Variants in ANKMY1 observed in about 807,000 individuals in gnomAD.
ANKMY1 encodes ankyrin repeat and MYND domain containing 1.
A neutral mutation model predicts 102.0 loss-of-function variants in ANKMY1; 98 were observed. The observed-to-expected ratio is 0.96, with a 90% confidence interval of 0.82 to 1.14. The LOEUF is 1.14. Ranked by LOEUF, ANKMY1 falls within the 50% of genes most tolerant of loss-of-function variation. The probability of loss-of-function intolerance (pLI) is 0.00; values close to 1 mark genes in which losing one functional copy is unlikely to be tolerated. For synonymous variants in ANKMY1, 582 were observed against 559.9 expected (o/e 1.04, Z -0.56); for missense variants, 1,330 against 1,347.6 (o/e 0.99, Z 0.20).
At chr2:240,558,057 C>A, upstream of ANKMY1, 3 of 892,912 alleles carry the variant, frequency 3.4e-6, no homozygotes, top group Non-Finnish European at 4.0e-6. Flanking sequence ...CTCCGCCAAT[C>A]CCCCCGCCAG....
chr2:240,530,536 T>C (rs142356783), intron 4 of ANKMY1, among the ~76,000 whole-genome samples: 4 of 152,350 alleles, frequency 2.6e-5, no homozygotes, highest in Non-Finnish European at 5.9e-5. Flanking sequence ...GGAAGCTTCT[T>C]GAGGCTGTCC....
chr2:240,490,448 GT>G (rs2076515364), intron 15 of ANKMY1, among the ~76,000 whole-genome samples: 1 of 151,970 alleles, frequency 6.6e-6, no homozygotes, highest in Admixed American at 6.6e-5. Flanking sequence ...TATCCCACAG[GT>G]TTTGGTATAT....
At chr2:240,532,555 G>C (rs1306661321) in intron 4 of ANKMY1, among the ~76,000 whole-genome samples, 1 of 152,010 alleles carries the variant, frequency 6.6e-6, no homozygotes, top group Non-Finnish European at 1.5e-5. Context: ...ACAATACCTG[G>C]GTAAGTCTAA....
intron 4 of ANKMY1, chr2:240,532,213 G>A: frequency 2.5e-6 from 1 of 395,814 alleles, no homozygotes; most frequent in South Asian, 1.9e-5. Context: ...GCAATAGGCT[G>A]ACAGCTGACT....
rs183565804 is a variant in ANKMY1 at position 240,528,073 on chromosome 2, G to A, written c.953+964C>T. Among the ~76,000 whole-genome samples the A allele has an allele frequency of 3.7e-4, 57 of 152,266 alleles. 1 individual carries two copies. In the East Asian group the frequency reaches 0.011, roughly 28 times the overall value. ...GGAGGCTGAGGCGGGTGGATCATGAGGTCAGGAGTTCAAGACCAGCCTGGC... is the reference window on the plus strand; with the variant it reads ...GGAGGCTGAGGCGGGTGGATCATGAAGTCAGGAGTTCAAGACCAGCCTGGC... On this transcript the variant is annotated intron_variant, in intron 5 of 17. Transcript: ENST00000401804.
Position 240,493,830 on chromosome 2 carries a change from C to T in ANKMY1, c.2806+6128G>A, listed in dbSNP as rs532648289. 3.3e-5 allele frequency among the ~76,000 whole-genome samples: 5 copies of T among 152,262 alleles called. No individual in the cohort carries two copies. The South Asian group carries it at 1.0e-3, about 32-fold the overall frequency. On this transcript the variant is annotated intron_variant, in intron 15 of 17. Transcript: ENST00000401804. ...GGTCAGTTCTTAGGGCTCCAAATGG[C>T]TTGTTTAGAATGCCAGCAGTGGCTG...
chr2:240,511,860 C>T lies in ANKMY1; in HGVS notation c.2286+1G>A, dbSNP rs749689492. ...CCCCGCCAGGCCCTGGCTGCCCTCA[C>T]CTTGTTGTCATCCTCCCGCTCGCAG... On this transcript the variant is annotated splice_donor_variant, in intron 11 of 17. Transcript: ENST00000401804. LOFTEE classifies it high-confidence loss of function. 1.3e-6 allele frequency: 2 copies of T among 1,585,560 alleles called. No homozygotes were observed. Among genetic ancestry groups the T allele is most frequent in the Admixed American group, 3.4e-5 (2 of 58,260 alleles).
upstream of ANKMY1, chr2:240,560,973 G>T: frequency 6.6e-7 from 1 of 1,519,002 alleles, no homozygotes; most frequent in Non-Finnish European, 8.7e-7. Context: ...GCGCGCCGGC[G>T]GCGCCTGCCT....
intron 9 of ANKMY1, among the ~76,000 whole-genome samples, chr2:240,515,543 A>C (rs1245862868): frequency 6.6e-6 from 1 of 152,172 alleles, no homozygotes; most frequent in Non-Finnish European, 1.5e-5. Flanking sequence ...TCAAAAAAAA[A>C]GAAAAAGAAA....
chr2:240,539,237 C>T (rs924278336), intron 4 of ANKMY1, among the ~76,000 whole-genome samples: 2 of 152,218 alleles, frequency 1.3e-5, no homozygotes, highest in African/African-American at 2.4e-5. Flanking sequence ...CAAAGGTCTG[C>T]AGCTTCACTC....
intron 4 of ANKMY1, among the ~76,000 whole-genome samples, chr2:240,538,553 G>A (rs917576417): frequency 2.6e-5 from 4 of 152,114 alleles, no homozygotes; most frequent in Admixed American, 6.5e-5. Flanking sequence ...TGCCATGCCC[G>A]AGCGCCCCCA....
At chr2:240,504,954 TCCTGCCTG>T (rs1344774458) in intron 13 of ANKMY1, among the ~76,000 whole-genome samples, 5 of 152,110 alleles carry the variant, frequency 3.3e-5, no homozygotes, top group Non-Finnish European at 7.4e-5. Context: ...ATCACTGCAC[TCCTGCCTG>T]GGCGACAGAG....
the ANKMY1 span, among the ~76,000 whole-genome samples, chr2:240,469,180 T>C: frequency 7.2e-5 from 11 of 152,212 alleles, no homozygotes; most frequent in African/African-American, 2.4e-4. Flanking sequence ...GCTTCAAGAC[T>C]TCCACAAGCC....
rs763968364 is a variant in ANKMY1, at chr2:240,520,350, C to A, written c.2004+12G>T. The stretch of plus-strand genomic sequence containing the variant: ...TGCGCTCGTCCCGGCGCCCGCCCGC[C>A]GCGGCTCCTACCTGCGGCGGAAAGC... On this transcript the variant is annotated intron_variant, in intron 9 of 17. Transcript: ENST00000401804. This position sits in a 1 kb window ranked among gnomAD's most constrained non-coding sequence, Gnocchi z 4.8. The A allele has an allele frequency of 2.2e-5, 33 of 1,526,870 alleles. No homozygotes were observed. The highest frequency in any genetic ancestry group is 2.9e-5 in the Non-Finnish European group (33 of 1,132,740). The allele number at this position is 1,526,870 out of a possible 1,614,324, so 94.6% of individuals were successfully genotyped here.
chr2:240,489,573 T>C (rs2076416368), intron 15 of ANKMY1, among the ~76,000 whole-genome samples: 1 of 152,240 alleles, frequency 6.6e-6, no homozygotes, highest in African/African-American at 2.4e-5. Context: ...ATGTGATGTA[T>C]CACATTTATT....
chr2:240,513,077 A>G, intron 9 of ANKMY1, 135 bp from the exon 10 acceptor site: 1 of 1,258,218 alleles, frequency 7.9e-7, no homozygotes, highest in Non-Finnish European at 1.1e-6. Flanking sequence ...CCTGCCTCAC[A>G]ACGTGCAGGC....
At chr2:240,509,539 A>AAATC in intron 11 of ANKMY1, 84 bp from the exon 12 acceptor site, 2 of 960,410 alleles carry the variant, frequency 2.1e-6, no homozygotes, top group Non-Finnish European at 3.1e-6. Flanking sequence ...AAATGCCATG[A>AAATC]AATCAATGTA....
Position 240,512,951 on chromosome 2 carries a change from GAA to G in ANKMY1, c.2005-11_2005-10del. The G allele has an allele frequency of 2.5e-6, 4 of 1,610,182 alleles. No homozygotes were observed. Among genetic ancestry groups the G allele is most frequent in the Non-Finnish European group, 3.4e-6 (4 of 1,177,780 alleles). On this transcript the variant is annotated splice_polypyrimidine_tract_variant and intron_variant, in intron 9 of 17. Transcript: ENST00000401804. ...GGTGTCAGGGTGCTCAGCTGCAGAG[GAA>G]ACACCGGGGCGGGCAGTGAGGCACA...
intron 4 of ANKMY1, among the ~76,000 whole-genome samples, chr2:240,538,875 A>C (rs943489495): frequency 1.3e-5 from 2 of 152,200 alleles, no homozygotes; most frequent in African/African-American, 4.8e-5. Flanking sequence ...GGATGCACCA[A>C]TCAGTACTCT....
Sources: gnomAD v4.1 joint callset for allele counts (sites outside exome capture counted in the v4.1 genomes callset) on GRCh38, gnomAD v4.1.1 for gene constraint, Gnocchi (gnomAD v3.1) non-coding constraint, MANE v1.5 for transcripts, NCBI Gene and HGNC (gene_info 2026-07-23, HGNC 2026-07-21) for gene names.